CDH13: variants seen among roughly 807,000 people sequenced by gnomAD.
CDH13 encodes cadherin-13.
In CDH13, 24 loss-of-function variants were observed where a neutral mutation model predicts 63.8. The observed-to-expected ratio is 0.38, with a 90% confidence interval of 0.27 to 0.53. The LOEUF (loss-of-function observed/expected upper bound fraction) is 0.53. Ranked by LOEUF, CDH13 falls within the 20% of genes least tolerant of loss-of-function variation. The pLI is 0.85. For synonymous variants in CDH13, 503 were observed against 355.3 expected, an observed-to-expected ratio of 1.42 and a Z score of -4.67; for missense variants, 1,049 against 903.1, an observed-to-expected ratio of 1.16 and a Z score of -2.07.
chr16:83,006,924 G>GTTTTTTT (rs1286586839), intron 2 of CDH13, among the ~76,000 whole-genome samples: 10 of 127,740 alleles, frequency 7.8e-5, no homozygotes, highest in African/African-American at 1.2e-4. Context: ...TTGTTTGTTT[G>GTTTTTTT]TTTGTTTGTT....
At chr16:82,795,293 C>G (rs146499942) in intron 1 of CDH13, among the ~76,000 whole-genome samples, 1 of 152,306 alleles carries the variant, frequency 6.6e-6, no homozygotes, top group African/African-American at 2.4e-5. Flanking sequence ...GCTGAGTAAA[C>G]TCAGCCTCAG....
At chr16:83,691,749 CTCCT>C (rs1904912384) in intron 10 of CDH13, among the ~76,000 whole-genome samples, 1 of 152,160 alleles carries the variant, frequency 6.6e-6, no homozygotes, top group African/African-American at 2.4e-5. Flanking sequence ...GCCATCCTGC[CTCCT>C]TCCATCTCCT....
intron 10 of CDH13, among the ~76,000 whole-genome samples, chr16:83,744,349 A>T (rs532216118): frequency 2.0e-5 from 3 of 152,226 alleles, no homozygotes; most frequent in Non-Finnish European, 4.4e-5. Context: ...GGGTCTTGAA[A>T]CAGTAAAAAT....
chr16:83,294,639 A>G (rs1003189285), intron 5 of CDH13, among the ~76,000 whole-genome samples: 3 of 151,736 alleles, frequency 2.0e-5, no homozygotes, highest in Non-Finnish European at 4.4e-5. Context: ...TGTGATATTC[A>G]TGTATTGATG....
intron 5 of CDH13, among the ~76,000 whole-genome samples, chr16:83,229,815 C>T (rs34471159): frequency 0.11 from 16,452 of 152,196 alleles, 1,056 homozygotes; most frequent in Non-Finnish European, 0.15. Context: ...AATCCTCGTT[C>T]CTGTTTCTGC....
Position 83,665,370 on chromosome 16 carries a change from G to T in CDH13, c.1102-5420G>T, listed in dbSNP as rs147068976. ...CCTTGCTAACAAATACTGACTCCTT[G>T]TTATACATATGCCAGGCTATTTGCC... is the stretch of plus-strand genomic sequence containing the variant. On this transcript the variant is annotated intron_variant, in intron 8 of 13. Transcript: ENST00000567109. Among the ~76,000 whole-genome samples the T allele has an allele frequency of 2.6e-3, 390 of 152,230 alleles. 2 individuals are homozygous for T. Among genetic ancestry groups the T allele is most frequent in the African/African-American group, 8.8e-3 (367 of 41,542 alleles).
intron 7 of CDH13, among the ~76,000 whole-genome samples, chr16:83,584,013 A>C (rs1311356725): frequency 6.6e-6 from 1 of 152,008 alleles, no homozygotes; most frequent in Non-Finnish European, 1.5e-5. Context: ...CTATGCCATA[A>C]GTGAGCAAAA....
At chr16:83,258,789 A>G (rs992894836) in intron 5 of CDH13, among the ~76,000 whole-genome samples, 13 of 152,202 alleles carry the variant, frequency 8.5e-5, no homozygotes, top group Non-Finnish European at 1.5e-5. Context: ...AGTTAATGGC[A>G]CAGAGCACAT....
In CDH13 at chr16:83,217,408, G is replaced by A. The variant is rs1460281326; in HGVS notation, c.547G>A (p.Glu183Lys). The change falls in exon 5 of 14, where the codon GAG becomes AAG. Residue 183 changes from glutamate to lysine, a missense_variant. Glu to Lys is a moderately conservative substitution (Grantham distance 56, BLOSUM62 1). Coordinates refer to ENST00000567109, the MANE Select transcript of CDH13 (RefSeq NM_001257.5). ...GCTCACTGGAAAGGGAGTGGATCAA[G>A]AGCCTAAAGGAATTTTCAGAATCAA... ...FRLTGKGVDQEPKGIFRINEN... is the reference protein window; with the variant it reads ...FRLTGKGVDQKPKGIFRINEN... 1.2e-6 allele frequency: 2 copies of A among 1,613,860 alleles called. No homozygotes were observed. Among genetic ancestry groups the A allele is most frequent in the East Asian group, 2.2e-5 (1 of 44,886 alleles).
intron 1 of CDH13, among the ~76,000 whole-genome samples, chr16:82,735,977 G>C (rs775172467): frequency 1.3e-5 from 2 of 152,152 alleles, no homozygotes; most frequent in African/African-American, 2.4e-5. Context: ...CTGCTCATTT[G>C]AATTCAGCCA....
At chr16:83,177,287 A>T (rs934631277) in intron 4 of CDH13, among the ~76,000 whole-genome samples, 1 of 152,184 alleles carries the variant, frequency 6.6e-6, no homozygotes, top group African/African-American at 2.4e-5. Flanking sequence ...CTTGCTTCAA[A>T]TGACATTTAT....
At chr16:83,039,453 C>T (rs145324698) in intron 3 of CDH13, among the ~76,000 whole-genome samples, 1 of 152,172 alleles carries the variant, frequency 6.6e-6, no homozygotes, top group Non-Finnish European at 1.5e-5. Flanking sequence ...AAGAAAGGAT[C>T]TCCCCTACTG....
intron 7 of CDH13, among the ~76,000 whole-genome samples, chr16:83,564,611 G>T (rs1486532130): frequency 2.0e-5 from 3 of 152,106 alleles, no homozygotes; most frequent in African/African-American, 7.2e-5. Context: ...GTTTCACCAT[G>T]TTGGCCAGGC....
intron 11 of CDH13, among the ~76,000 whole-genome samples, chr16:83,752,108 A>G (rs985512543): frequency 2.6e-5 from 4 of 152,256 alleles, no homozygotes; most frequent in African/African-American, 7.2e-5. Context: ...CTGATCAGCT[A>G]AAGTAACAAT....
At chr16:82,699,848 T>A (rs1421264373) in intron 1 of CDH13, among the ~76,000 whole-genome samples, 1 of 152,236 alleles carries the variant, frequency 6.6e-6, no homozygotes, top group Non-Finnish European at 1.5e-5. Context: ...TTACAAACAA[T>A]AAATAATACA....
Position 83,057,288 on chromosome 16 carries a change from C to G in CDH13, c.366+25070C>G, listed in dbSNP as rs541349046. Among the ~76,000 whole-genome samples the G allele has an allele frequency of 3.3e-5, 5 of 152,156 alleles. No homozygotes were observed. The South Asian group carries it at 8.3e-4, about 25-fold the overall frequency. ...GTCTCAGGTATGTCTTTATTAGCAA[C>G]CTGAGAACAGACTAATACTTGTGGT... On this transcript the variant is annotated intron_variant, in intron 3 of 13. Coordinates refer to ENST00000567109, the MANE Select transcript of CDH13 (RefSeq NM_001257.5).
intron 1 of CDH13, among the ~76,000 whole-genome samples, chr16:82,839,097 C>T (rs2038896138): frequency 3.9e-5 from 6 of 152,180 alleles, no homozygotes; most frequent in Non-Finnish European, 5.9e-5. Context: ...GGCCCGTGGG[C>T]TTTGGTTTGC....
At chr16:82,936,929 G>T (rs2042686801) in intron 2 of CDH13, among the ~76,000 whole-genome samples, 1 of 152,226 alleles carries the variant, frequency 6.6e-6, no homozygotes, top group Middle Eastern at 3.4e-3. Flanking sequence ...TGCCAAGAGT[G>T]GAGATACTCC....
Position 83,734,482 on chromosome 16 carries a change from A to G in CDH13, c.1539-13626A>G, listed in dbSNP as rs190600544. ...TCATTCTCAGTAAACTATCGCAAGG[A>G]CAAAAAACCAAACACCGCATGTTCT... On this transcript the variant is annotated intron_variant, in intron 10 of 13. Transcript: ENST00000567109. 1.4e-3 allele frequency among the ~76,000 whole-genome samples: 217 copies of G among 152,030 alleles called. 1 individual carries two copies. Among genetic ancestry groups the G allele is most frequent in the African/African-American group, 4.9e-3 (205 of 41,448 alleles).
Sources: gnomAD v4.1 joint callset for allele counts (sites outside exome capture counted in the v4.1 genomes callset) on GRCh38, gnomAD v4.1.1 for gene constraint, MANE v1.5 for transcripts, NCBI Gene and HGNC (gene_info 2026-07-23, HGNC 2026-07-21) for gene names.